ST18: variants seen among roughly 807,000 people sequenced by gnomAD.
The protein encoded by ST18 is suppression of tumorigenicity 18 protein.
A neutral mutation model predicts 110.0 loss-of-function variants in ST18; 50 were observed. The observed-to-expected ratio is 0.45, with a 90% confidence interval of 0.36 to 0.58. ST18 has a LOEUF of 0.58. Ranked by LOEUF, ST18 falls within the 20% of genes least tolerant of loss-of-function variation. The probability of loss-of-function intolerance (pLI) is 0.00; values close to 1 mark genes in which losing one functional copy is unlikely to be tolerated. For synonymous variants in ST18, 461 were observed against 452.4 expected (o/e 1.02, Z -0.24); for missense variants, 1,306 against 1,280.1 (o/e 1.02, Z -0.31).
rs567108765 is a variant in ST18, at chr8:52,391,359, G to T, written c.-465+17969C>A. Among the ~76,000 whole-genome samples the T allele has an allele frequency of 7.9e-5, 12 of 152,326 alleles. No homozygotes were observed. The East Asian group carries it at 1.2e-3, about 15-fold the overall frequency. On this transcript the variant is annotated intron_variant, in intron 2 of 25. Coordinates refer to ENST00000689386, the MANE Select transcript of ST18 (RefSeq NM_001352837.2). ...CCAGGTAGCTGACAGGCCAGCGAGG[G>T]TGCAGACATTCACACAGGTCAGCAG...
intron 10 of ST18, among the ~76,000 whole-genome samples, chr8:52,168,337 C>T (rs556675387): frequency 2.6e-5 from 4 of 151,216 alleles, no homozygotes; most frequent in South Asian, 2.1e-4. Flanking sequence ...TGCGAGGGTG[C>T]GGAGCCTCGT....
chr8:52,341,133 C>T (rs1464212068), intron 2 of ST18, among the ~76,000 whole-genome samples: 1 of 152,180 alleles, frequency 6.6e-6, no homozygotes, highest in East Asian at 1.9e-4. Flanking sequence ...GCTTACCAGG[C>T]ATCTTAGTTC....
At chr8:52,365,642 T>C (rs1827586475) in intron 2 of ST18, among the ~76,000 whole-genome samples, 1 of 151,514 alleles carries the variant, frequency 6.6e-6, no homozygotes. Context: ...TCAATAAAGA[T>C]AATAGTTTGC....
intron 2 of ST18, among the ~76,000 whole-genome samples, chr8:52,350,618 T>A (rs7013289): frequency 6.6e-6 from 1 of 152,062 alleles, no homozygotes; most frequent in East Asian, 1.9e-4. Context: ...AAACCCTGTA[T>A]GTTCCCAGAC....
intron 2 of ST18, among the ~76,000 whole-genome samples, chr8:52,330,196 C>T (rs1287805262): frequency 1.3e-5 from 2 of 152,006 alleles, no homozygotes; most frequent in Non-Finnish European, 2.9e-5. Context: ...GTTTATTATT[C>T]TTATCTTCAT....
At chr8:52,272,725 A>T (rs1361395931) in intron 2 of ST18, among the ~76,000 whole-genome samples, 1 of 152,250 alleles carries the variant, frequency 6.6e-6, no homozygotes, top group Non-Finnish European at 1.5e-5. Flanking sequence ...TTCTGGGTAT[A>T]TATCCAGAGG....
chr8:52,330,163 T>C (rs1252456756), intron 2 of ST18, among the ~76,000 whole-genome samples: 1 of 152,234 alleles, frequency 6.6e-6, no homozygotes, highest in Non-Finnish European at 1.5e-5. Context: ...AGTAGATTAA[T>C]ATTTCCTTTA....
chr8:52,190,611 C>T (rs939851452), intron 8 of ST18, among the ~76,000 whole-genome samples: 4 of 152,162 alleles, frequency 2.6e-5, no homozygotes, highest in Non-Finnish European at 4.4e-5. Context: ...CCATCTCTAT[C>T]GGAAGCAGAA....
intron 2 of ST18, among the ~76,000 whole-genome samples, chr8:52,231,584 C>T (rs1250822504): frequency 6.6e-6 from 1 of 151,960 alleles, no homozygotes; most frequent in African/African-American, 2.4e-5. Context: ...TCAAGTGATT[C>T]TTCTGCCTCA....
At chr8:52,355,694 A>T (rs145895845) in intron 2 of ST18, among the ~76,000 whole-genome samples, 1 of 152,346 alleles carries the variant, frequency 6.6e-6, no homozygotes, top group African/African-American at 2.4e-5. Context: ...TGTCATCTTA[A>T]ACTGCCTACC....
intron 2 of ST18, among the ~76,000 whole-genome samples, chr8:52,271,161 T>C (rs755706162): frequency 6.6e-6 from 1 of 152,130 alleles, no homozygotes; most frequent in Non-Finnish European, 1.5e-5. Flanking sequence ...GCCTCCCAAA[T>C]AGGGTTATAC....
chr8:52,282,814 G>C (rs1043155652), intron 2 of ST18, among the ~76,000 whole-genome samples: 1 of 152,124 alleles, frequency 6.6e-6, no homozygotes, highest in Non-Finnish European at 1.5e-5. Flanking sequence ...CCCCGAGAAA[G>C]TATGGTGCCC....
intron 2 of ST18, among the ~76,000 whole-genome samples, chr8:52,314,899 C>T (rs1343202005): frequency 1.3e-5 from 2 of 152,154 alleles, no homozygotes; most frequent in Non-Finnish European, 2.9e-5. Context: ...GATTCTAAAG[C>T]ATCTGGGGCC....
chr8:52,264,192 C>T (rs1389432080), intron 2 of ST18, among the ~76,000 whole-genome samples: 1 of 152,194 alleles, frequency 6.6e-6, no homozygotes. Context: ...ACTGAATTTA[C>T]ATCCAAGTGT....
rs536087428 is a variant in ST18, at chr8:52,343,524, C to T, written c.-465+65804G>A. Among the ~76,000 whole-genome samples the T allele has an allele frequency of 5.3e-5, 8 of 152,268 alleles. No individual in the cohort carries two copies. The East Asian group carries it at 1.5e-3, about 29-fold the overall frequency. On this transcript the variant is annotated intron_variant, in intron 2 of 25. Coordinates refer to ENST00000689386, the MANE Select transcript of ST18 (RefSeq NM_001352837.2). ...TGGCTTTATAAAAGTTCCATTAGTCCTCCGAGCAAAGTCCCCGTGGCCAAA... is the reference window on the plus strand; with the variant it reads ...TGGCTTTATAAAAGTTCCATTAGTCTTCCGAGCAAAGTCCCCGTGGCCAAA...
At chr8:52,185,706 T>C (rs1331105120) in intron 8 of ST18, among the ~76,000 whole-genome samples, 1 of 152,186 alleles carries the variant, frequency 6.6e-6, no homozygotes, top group Non-Finnish European at 1.5e-5. Flanking sequence ...AGTGCTCGAT[T>C]AATTGGATAT....
At chr8:52,262,863 A>G (rs549974778) in intron 2 of ST18, among the ~76,000 whole-genome samples, 1 of 152,148 alleles carries the variant, frequency 6.6e-6, no homozygotes, top group Non-Finnish European at 1.5e-5. Context: ...GCCTGGGAAA[A>G]ACTTTATTTA....
chr8:52,203,072 C>T (rs2078567976), intron 8 of ST18, among the ~76,000 whole-genome samples: 1 of 151,738 alleles, frequency 6.6e-6, no homozygotes. Context: ...ATGTACGAGG[C>T]CTACACTGGT....
At position 52,230,421 on chromosome 8, in the gene ST18, A is replaced by T. The variant is rs150943758; in HGVS notation, c.-464-344T>A. 3.6e-3 allele frequency among the ~76,000 whole-genome samples: 553 copies of T among 152,262 alleles called. 4 individuals carry two copies. Among genetic ancestry groups the T allele is most frequent in the African/African-American group, 0.013 (533 of 41,538 alleles). On this transcript the variant is annotated intron_variant, in intron 2 of 25. Transcript: ENST00000689386. ...TGACAGTCTTTTCTGAAGAAAAAAAAAAAAAGAATCAGTGGTTTAACACTA... is the reference window on the plus strand; with the variant it reads ...TGACAGTCTTTTCTGAAGAAAAAAATAAAAAGAATCAGTGGTTTAACACTA...
Sources: gnomAD v4.1 joint callset for allele counts (sites outside exome capture counted in the v4.1 genomes callset) on GRCh38, gnomAD v4.1.1 for gene constraint, MANE v1.5 for transcripts, NCBI Gene and HGNC (gene_info 2026-07-23, HGNC 2026-07-21) for gene names.